Variants in ATRX observed in about 807,000 individuals in gnomAD.
The protein encoded by ATRX is chromatin remodeler ATRX.
Under a neutral mutation model 172.6 loss-of-function variants are expected in ATRX, and 12 were observed. The observed-to-expected ratio is 0.07, with a 90% CI of 0.04 to 0.11. ATRX has a LOEUF of 0.11. Ranked by LOEUF, ATRX falls within the 10% of genes least tolerant of loss-of-function variation. ATRX has a pLI of 1.00. For synonymous variants in ATRX, 674 were observed against 594.7 expected (o/e 1.13, Z -1.94); for missense variants, 1,368 against 1,767.4 (o/e 0.77, Z 4.05).
chrX:77,525,960 CAT>C lies in ATRX; in HGVS notation c.6700-2561_6700-2560del, dbSNP rs782020826. On this transcript the variant is annotated intron_variant, in intron 30 of 34. Coordinates refer to ENST00000373344, the MANE Select transcript of ATRX (RefSeq NM_000489.6). The stretch of plus-strand genomic sequence containing the variant: ...GTGCACATACACATATACACAAACT[CAT>C]ATACAGCCTTTTAAAAAATGTCTGA... Among the ~76,000 whole-genome samples, 490 of 112,239 alleles carry C rather than the reference CAT, an allele frequency of 4.4e-3. 1 individual carries two copies. The highest frequency in any genetic ancestry group is 0.032 in the Middle Eastern group (7 of 216).
intron 1 of ATRX, among the ~76,000 whole-genome samples, chrX:77,720,273 G>A (rs1051498718): frequency 9.0e-6 from 1 of 111,595 alleles, no homozygotes; most frequent in Admixed American, 9.6e-5. Flanking sequence ...AAAACAACTA[G>A]AGAAGGAAGA....
intron 29 of ATRX, 144 bp downstream of exon 29, chrX:77,558,525 C>CA (rs1557060109): frequency 1.9e-6 from 1 of 516,027 alleles, no homozygotes; most frequent in Non-Finnish European, 3.1e-6. Context: ...CAAGAAAAGC[C>CA]AAAACTGACT....
intron 19 of ATRX, among the ~76,000 whole-genome samples, chrX:77,627,032 T>C (rs2067889910): frequency 1.8e-5 from 2 of 110,836 alleles, no homozygotes. Context: ...GAGACCATCC[T>C]GGCTAACACG....
At chrX:77,736,684 G>A (rs1003727946) in intron 1 of ATRX, among the ~76,000 whole-genome samples, 1 of 112,408 alleles carries the variant, frequency 8.9e-6, no homozygotes, top group Admixed American at 9.4e-5. Flanking sequence ...TAAAAATTGA[G>A]CTACCATATG....
intron 9 of ATRX, among the ~76,000 whole-genome samples, chrX:77,678,003 T>C (rs1281424855): frequency 9.0e-6 from 1 of 110,775 alleles, no homozygotes; most frequent in African/African-American, 3.3e-5. Context: ...GGTCAGGAGC[T>C]CGAGGCCAGC....
At chrX:77,728,746 TTTC>T (rs1557174513) in intron 1 of ATRX, among the ~76,000 whole-genome samples, 1 of 55,554 alleles carries the variant, frequency 1.8e-5, no homozygotes, top group Non-Finnish European at 3.7e-5. Flanking sequence ...TAAGAAAGTA[TTTC>T]TTTTCTTTTC....
At chrX:77,561,999 T>C (rs1557062251) in intron 28 of ATRX, among the ~76,000 whole-genome samples, 1 of 111,864 alleles carries the variant, frequency 8.9e-6, no homozygotes, top group Non-Finnish European at 1.9e-5. Flanking sequence ...AAAAAACACC[T>C]TCCTTGTGTT....
chrX:77,744,666 T>C (rs1326820852), intron 1 of ATRX, among the ~76,000 whole-genome samples: 4 of 110,787 alleles, frequency 3.6e-5, no homozygotes, highest in Non-Finnish European at 5.7e-5. Flanking sequence ...AAGATATGAA[T>C]AAGAAATTTA....
At chrX:77,546,544 G>A (rs2064249484) in intron 30 of ATRX, among the ~76,000 whole-genome samples, 1 of 109,795 alleles carries the variant, frequency 9.1e-6, no homozygotes, top group Non-Finnish European at 1.9e-5. Flanking sequence ...CCAGGCTGGA[G>A]TGTAGTGGTA....
intron 22 of ATRX, among the ~76,000 whole-genome samples, chrX:77,607,708 C>CTAA (rs2066973744): frequency 2.4e-5 from 1 of 41,161 alleles, no homozygotes; most frequent in Non-Finnish European, 4.2e-5. Context: ...GACTCTGTCT[C>CTAA]AAAAAAAAAA....
At chrX:77,558,012 G>T (rs2064862617) in intron 29 of ATRX, among the ~76,000 whole-genome samples, 1 of 111,409 alleles carries the variant, frequency 9.0e-6, no homozygotes, top group Non-Finnish European at 1.9e-5. Flanking sequence ...AAGTTAGAAT[G>T]CAAGAGAGCA....
intron 2 of ATRX, among the ~76,000 whole-genome samples, chrX:77,699,787 A>AT (rs1237838645): frequency 8.9e-6 from 1 of 111,909 alleles, no homozygotes; most frequent in Non-Finnish European, 1.9e-5. Context: ...TAAATTAGCA[A>AT]TAAAAAAAGC....
intron 15 of ATRX, among the ~76,000 whole-genome samples, chrX:77,639,478 A>G (rs1412855125): frequency 8.9e-6 from 1 of 111,939 alleles, no homozygotes; most frequent in African/African-American, 3.2e-5. Context: ...TTGGTGGGAA[A>G]CTAAGCAGAA....
rs782127521 is a variant in ATRX, at chrX:77,720,029, T to C, written c.21-2786A>G. ...TAGAACTCAGGATTAAGAAACTCATTCAAAACCGCACAACTACATGGAAAC... is the reference window on the plus strand; with the variant it reads ...TAGAACTCAGGATTAAGAAACTCATCCAAAACCGCACAACTACATGGAAAC... On this transcript the variant is annotated intron_variant, in intron 1 of 34. Coordinates refer to ENST00000373344, the MANE Select transcript of ATRX (RefSeq NM_000489.6). Among the ~76,000 whole-genome samples, 4 of 111,972 alleles carry C rather than the reference T, an allele frequency of 3.6e-5. No homozygotes were observed. The South Asian group carries it at 1.5e-3, about 41-fold the overall frequency.
intron 30 of ATRX, among the ~76,000 whole-genome samples, chrX:77,547,557 G>A (rs1046130801): frequency 2.7e-5 from 3 of 111,879 alleles, no homozygotes; most frequent in Non-Finnish European, 5.6e-5. Context: ...TGTAGTTTGT[G>A]GAGGGAAAAT....
rs2067191605 is a variant in ATRX, at chrX:77,612,350, A to C, written c.5566+4263T>G. 2.7e-5 allele frequency among the ~76,000 whole-genome samples: 3 copies of C among 110,089 alleles called. 1 individual carries two copies. In the South Asian group the frequency reaches 1.2e-3, roughly 43 times the overall value. On this transcript the variant is annotated intron_variant, in intron 22 of 34. Coordinates refer to ENST00000373344, the MANE Select transcript of ATRX (RefSeq NM_000489.6). The stretch of plus-strand genomic sequence containing the variant: ...AAATTCTGGTAAAATATACATTTTA[A>C]AAATTTACTGTTTTAAATGAGAACA...
At chrX:77,609,374 T>G (rs1334974911) in intron 22 of ATRX, among the ~76,000 whole-genome samples, 1 of 112,408 alleles carries the variant, frequency 8.9e-6, no homozygotes, top group Non-Finnish European at 1.9e-5. Flanking sequence ...ATATGGTACA[T>G]GTACACAATG....
At chrX:77,703,994 G>A (rs1246798037) in intron 2 of ATRX, among the ~76,000 whole-genome samples, 2 of 110,920 alleles carry the variant, frequency 1.8e-5, no homozygotes, top group Non-Finnish European at 3.8e-5. Context: ...TCAGCAGAGA[G>A]GGTAGCTCCT....
intron 10 of ATRX, among the ~76,000 whole-genome samples, chrX:77,668,819 GACAA>G (rs2070393674): frequency 9.8e-6 from 1 of 101,532 alleles, no homozygotes; most frequent in African/African-American, 3.7e-5. Flanking sequence ...ACAACACAAT[GACAA>G]ACAAGCAATC....
Sources: allele counts gnomAD v4.1 joint callset (sites outside exome capture counted in the v4.1 genomes callset), GRCh38; gene constraint gnomAD v4.1.1; transcripts MANE v1.5; gene names NCBI Gene and HGNC (gene_info 2026-07-23, HGNC 2026-07-21).